The following SOX5 variants were observed in gnomAD, a reference collection of about 807,000 sequenced individuals.
SOX5 encodes the protein SRY-box transcription factor 5.
SOX5 carries 9 observed loss-of-function variants against 92.0 expected under a neutral mutation model. That is an observed-to-expected ratio of 0.10 (90% CI 0.06 to 0.17). The LOEUF is 0.17. Ranked by LOEUF, SOX5 falls within the 10% of genes least tolerant of loss-of-function variation. The probability of loss-of-function intolerance (pLI) is 1.00; values close to 1 mark genes in which losing one functional copy is unlikely to be tolerated. For synonymous variants in SOX5, 344 were observed against 336.3 expected, an observed-to-expected ratio of 1.02 and a Z score of -0.25; for missense variants, 642 against 944.5, an observed-to-expected ratio of 0.68 and a Z score of 4.20.
At chr12:24,380,425 C>T (rs1425920994) in intron 1 of SOX5, among the ~76,000 whole-genome samples, 1 of 152,224 alleles carries the variant, frequency 6.6e-6, no homozygotes, top group Non-Finnish European at 1.5e-5. Flanking sequence ...TTGAGAATGA[C>T]TTGAATTTTA....
chr12:24,368,720 T>C (rs1057192548), intron 1 of SOX5: 6 of 152,192 alleles, frequency 3.9e-5, no homozygotes, highest in Non-Finnish European at 5.9e-5. Flanking sequence ...TTGGAAGGTA[T>C]GAATTCAACG....
chr12:24,464,652 T>A (rs1462024691), intron 1 of SOX5, among the ~76,000 whole-genome samples: 2 of 152,216 alleles, frequency 1.3e-5, no homozygotes, highest in African/African-American at 4.8e-5. Context: ...TGAGAGTTAA[T>A]GTTTTTTGAG....
chr12:24,092,396 G>A (rs1944763388), intron 4 of SOX5, among the ~76,000 whole-genome samples: 1 of 152,040 alleles, frequency 6.6e-6, no homozygotes, highest in African/African-American at 2.4e-5. Context: ...CATTATTTAG[G>A]AAGCAGAACA....
In SOX5 at chr12:24,435,837, C is replaced by T. The variant is rs113038980; in HGVS notation, c.-250-67198G>A. 7.3e-3 allele frequency among the ~76,000 whole-genome samples: 1,101 copies of T among 151,764 alleles called. 14 individuals carry two copies. Among genetic ancestry groups the T allele is most frequent in the Non-Finnish European group, 6.7e-3 (454 of 67,928 alleles). On this transcript the variant is annotated intron_variant, in intron 1 of 4. Coordinates refer to the SOX5 transcript ENST00000446891. ...CAAACAAATATATTGACACAATTTT[C>T]CCAACAACATATACTCATTTTGTTT...
chr12:24,370,212 C>T (rs1411554933), intron 1 of SOX5, among the ~76,000 whole-genome samples: 1 of 152,088 alleles, frequency 6.6e-6, no homozygotes, highest in African/African-American at 2.4e-5. Context: ...CGGTGGCTCA[C>T]GCCTGTAATC....
intron 4 of SOX5, among the ~76,000 whole-genome samples, chr12:23,753,354 C>T (rs548476432): frequency 5.9e-5 from 9 of 151,682 alleles, no homozygotes; most frequent in African/African-American, 1.9e-4. Flanking sequence ...CACACACACA[C>T]GCACACACTT....
intron 2 of SOX5, among the ~76,000 whole-genome samples, chr12:24,309,969 A>G (rs1949010599): frequency 6.6e-6 from 1 of 152,112 alleles, no homozygotes; most frequent in African/African-American, 2.4e-5. Flanking sequence ...CACTTTCCCT[A>G]CCTGATTGCT....
intron 2 of SOX5, among the ~76,000 whole-genome samples, chr12:24,332,698 A>G (rs941753785): frequency 7.2e-5 from 11 of 152,158 alleles, no homozygotes; most frequent in Non-Finnish European, 1.2e-4. Flanking sequence ...AGTTACTAAC[A>G]GTAACTGAGA....
chr12:23,965,439 G>C (rs891538543), intron 4 of SOX5, among the ~76,000 whole-genome samples: 18 of 152,082 alleles, frequency 1.2e-4, no homozygotes, highest in African/African-American at 3.9e-4. Context: ...GGGGACCTCA[G>C]GCACGAAGAC....
intron 8 of SOX5, chr12:23,638,411 T>G (rs2079561922): frequency 6.6e-6 from 1 of 152,146 alleles, no homozygotes; most frequent in Non-Finnish European, 1.5e-5. Flanking sequence ...AGTGATGCAG[T>G]CTACTCAAGA....
chr12:24,165,372 A>G (rs1433880306), intron 4 of SOX5, among the ~76,000 whole-genome samples: 1 of 152,158 alleles, frequency 6.6e-6, no homozygotes, highest in African/African-American at 2.4e-5. Flanking sequence ...TGAATCCCAC[A>G]AATGTTTCAT....
At chr12:24,405,937 G>T (rs537854769) in intron 1 of SOX5, among the ~76,000 whole-genome samples, 2 of 152,222 alleles carry the variant, frequency 1.3e-5, no homozygotes, top group East Asian at 3.9e-4. Flanking sequence ...GACAGAAAGG[G>T]CTACCTTTTC....
chr12:23,651,838 C>A (rs961548953), intron 7 of SOX5, among the ~76,000 whole-genome samples: 4 of 151,222 alleles, frequency 2.6e-5, no homozygotes, highest in African/African-American at 9.7e-5. Context: ...AAGAAATGAG[C>A]AAGCAAAATT....
intron 3 of SOX5, among the ~76,000 whole-genome samples, chr12:23,805,458 G>A (rs972084531): frequency 3.9e-5 from 6 of 151,944 alleles, no homozygotes; most frequent in Admixed American, 3.9e-4. Context: ...CTCAATAAAT[G>A]TTATCTACTG....
At chr12:24,317,998 G>A (rs1949857356) in intron 2 of SOX5, among the ~76,000 whole-genome samples, 1 of 152,074 alleles carries the variant, frequency 6.6e-6, no homozygotes, top group South Asian at 2.1e-4. Flanking sequence ...ATCACCTGAG[G>A]TCAGGAGTTC....
At chr12:24,287,771 A>G (rs1323226938) in intron 2 of SOX5, among the ~76,000 whole-genome samples, 3 of 152,028 alleles carry the variant, frequency 2.0e-5, no homozygotes, top group Non-Finnish European at 4.4e-5. Flanking sequence ...AGCTTCAGCA[A>G]TTCTTTATGG....
At chr12:24,097,244 T>C (rs1377116271) in intron 4 of SOX5, among the ~76,000 whole-genome samples, 1 of 152,202 alleles carries the variant, frequency 6.6e-6, no homozygotes, top group African/African-American at 2.4e-5. Context: ...CTTTTTGTTG[T>C]TGAGTTGCAA....
At chr12:23,751,123 C>T (rs1427936651) in intron 4 of SOX5, among the ~76,000 whole-genome samples, 1 of 151,866 alleles carries the variant, frequency 6.6e-6, no homozygotes, top group Non-Finnish European at 1.5e-5. Context: ...AAACATTAAA[C>T]ATTTACTTTA....
chr12:23,909,454 T>C (rs1268943922), intron 1 of SOX5, among the ~76,000 whole-genome samples: 1 of 152,164 alleles, frequency 6.6e-6, no homozygotes. Flanking sequence ...CCACAAAATC[T>C]GTCAGTACAA....
Sources: gnomAD v4.1 joint callset for allele counts (sites outside exome capture counted in the v4.1 genomes callset) on GRCh38, gnomAD v4.1.1 for gene constraint, MANE v1.5 for transcripts, NCBI Gene and HGNC (gene_info 2026-07-23, HGNC 2026-07-21) for gene names.